TLN2: variants seen among roughly 807,000 people sequenced by gnomAD.
TLN2 encodes the protein talin 2, also known as talin-2.
TLN2 carries 118 observed loss-of-function variants against 294.7 expected under a neutral mutation model. That is an observed-to-expected ratio of 0.40 (90% CI 0.34 to 0.47). TLN2 has a LOEUF of 0.47. Among genes scored for constraint, TLN2 ranks in the 20% least tolerant of loss-of-function variants. The pLI, the probability that TLN2 is intolerant of heterozygous loss-of-function variation, is 0.84. For missense variants in TLN2, 3,083 were observed against 3,282.2 expected (o/e 0.94, Z 1.48); for synonymous variants, 1,431 against 1,304.5 (o/e 1.10, Z -2.09).
chr15:62,698,690 G>C, intron 15 of TLN2, 64 bp from the exon 16 acceptor site: 1 of 1,379,086 alleles, frequency 7.3e-7, no homozygotes, highest in South Asian at 1.2e-5. Context: ...GCTTTGTTTT[G>C]CATAAAGGGC....
In TLN2 at chr15:62,596,264, CAAA is replaced by C. The variant is rs71129015; in HGVS notation, c.-162+6516_-162+6518del. On this transcript the variant is annotated intron_variant, in intron 2 of 58. Transcript: ENST00000636159. ...TGGGCGACAGAGCAAGACTCCATCT[CAAA>C]AAAAAAAAAAAAAGGTATTCTTGAA... Among the ~76,000 whole-genome samples the C allele has an allele frequency of 5.0e-3, 407 of 81,676 alleles. 7 individuals carry two copies. Among genetic ancestry groups the C allele is most frequent in the African/African-American group, 0.018 (393 of 22,234 alleles). 53.6% of individuals were successfully genotyped at this position (81,676 alleles called of 152,430 possible).
At chr15:62,616,980 T>C (rs1220416907) in intron 2 of TLN2, among the ~76,000 whole-genome samples, 1 of 152,112 alleles carries the variant, frequency 6.6e-6, no homozygotes, top group Non-Finnish European at 1.5e-5. Context: ...GGTGTCTGCA[T>C]GCGTGTCTTC....
At chr15:62,809,843 A>T in intron 51 of TLN2, 82 bp from the exon 52 acceptor site, 1 of 1,337,178 alleles carries the variant, frequency 7.5e-7, no homozygotes, top group Non-Finnish European at 1.1e-6. Flanking sequence ...CACCAGGGTT[A>T]AGGTCTCTTG....
At chr15:62,437,609 A>G (rs970775718) in intron 1 of TLN2, among the ~76,000 whole-genome samples, 1 of 152,134 alleles carries the variant, frequency 6.6e-6, no homozygotes, top group Non-Finnish European at 1.5e-5. Flanking sequence ...TCATAATCAT[A>G]GTACTGTGTG....
At chr15:62,568,185 G>A (rs1023559857) in intron 1 of TLN2, among the ~76,000 whole-genome samples, 1 of 152,126 alleles carries the variant, frequency 6.6e-6, no homozygotes, top group Admixed American at 6.5e-5. Context: ...TCCCAGTGTG[G>A]CTGGGGCTGG....
intron 11 of TLN2, among the ~76,000 whole-genome samples, chr15:62,685,895 T>C (rs1294936369): frequency 6.6e-6 from 1 of 152,204 alleles, no homozygotes; most frequent in Non-Finnish European, 1.5e-5. Context: ...TTAAGCATAT[T>C]AATCGTTTCC....
chr15:62,648,209 C>T (rs1038855848), intron 4 of TLN2, among the ~76,000 whole-genome samples: 4 of 151,856 alleles, frequency 2.6e-5, no homozygotes, highest in Admixed American at 1.3e-4. Flanking sequence ...TCGCTTGAAC[C>T]CAGGAGTTAG....
intron 1 of TLN2, among the ~76,000 whole-genome samples, chr15:62,504,001 T>A (rs925900096): frequency 1.3e-5 from 2 of 152,208 alleles, no homozygotes; most frequent in African/African-American, 4.8e-5. Flanking sequence ...CTGTGCTTTT[T>A]TGAGCCTTTT....
chr15:62,670,039 C>CTGCA (rs2055208586), intron 9 of TLN2, among the ~76,000 whole-genome samples: 1 of 152,292 alleles, frequency 6.6e-6, no homozygotes, highest in Admixed American at 6.5e-5. Context: ...AGGGCGCTTG[C>CTGCA]TGCAGTACAG....
At chr15:62,488,832 C>T (rs2038549821) in intron 1 of TLN2, among the ~76,000 whole-genome samples, 1 of 152,066 alleles carries the variant, frequency 6.6e-6, no homozygotes, top group Non-Finnish European at 1.5e-5. Flanking sequence ...ATGAGCATTC[C>T]AAGACTAATA....
At chr15:62,607,270 C>G (rs1160150751) in intron 2 of TLN2, among the ~76,000 whole-genome samples, 2 of 152,126 alleles carry the variant, frequency 1.3e-5, no homozygotes, top group Admixed American at 1.3e-4. Flanking sequence ...GTCATGGTAG[C>G]TTTCTATTTG....
chr15:62,601,177 A>G (rs2046971674), intron 2 of TLN2, among the ~76,000 whole-genome samples: 1 of 152,170 alleles, frequency 6.6e-6, no homozygotes, highest in South Asian at 2.1e-4. Context: ...ATGTTTAGCA[A>G]TATCTGGAGA....
At chr15:62,608,712 T>A (rs533164969) in intron 2 of TLN2, among the ~76,000 whole-genome samples, 8 of 152,084 alleles carry the variant, frequency 5.3e-5, no homozygotes, top group Non-Finnish European at 1.0e-4. Flanking sequence ...TTGCTATGCT[T>A]GTGAAAGACC....
intron 28 of TLN2, among the ~76,000 whole-genome samples, chr15:62,732,692 G>C (rs1014280909): frequency 6.6e-6 from 1 of 152,200 alleles, no homozygotes; most frequent in Non-Finnish European, 1.5e-5. Flanking sequence ...AGATGGTAGT[G>C]TCCTACAGTG....
At chr15:62,786,490 T>C (rs1202408990) in intron 45 of TLN2, among the ~76,000 whole-genome samples, 1 of 152,174 alleles carries the variant, frequency 6.6e-6, no homozygotes, top group Non-Finnish European at 1.5e-5. Flanking sequence ...AGCTTTGCAA[T>C]TTAAGATTAT....
intron 1 of TLN2, among the ~76,000 whole-genome samples, chr15:62,398,941 G>A (rs1311671958): frequency 1.3e-5 from 2 of 152,098 alleles, no homozygotes; most frequent in Admixed American, 6.5e-5. Context: ...TCTCAGGCCC[G>A]GAGGCCTAGG....
chr15:62,729,055 CAT>C (rs1198846482), intron 28 of TLN2, among the ~76,000 whole-genome samples: 1 of 152,166 alleles, frequency 6.6e-6, no homozygotes, highest in Non-Finnish European at 1.5e-5. Context: ...TGTTTTTCCA[CAT>C]AGATATCCAT....
chr15:62,836,893 AATTTTTCCTTGAAGATAAGGCTTC>A (rs1349392238), intron 57 of TLN2, among the ~76,000 whole-genome samples: 6 of 152,194 alleles, frequency 3.9e-5, no homozygotes, highest in Non-Finnish European at 5.9e-5. Context: ...TATCATATGT[AATTTTTCCTTGAAGATAAGGCTTC>A]ATTAACTTCT....
intron 36 of TLN2, chr15:62,754,932 T>C (rs1464635625): frequency 6.6e-6 from 1 of 152,312 alleles, no homozygotes; most frequent in African/African-American, 2.4e-5. Flanking sequence ...ATCTGGGCTC[T>C]ACAGTATGGT....
Sources: gnomAD v4.1 joint callset for allele counts (sites outside exome capture counted in the v4.1 genomes callset) on GRCh38, gnomAD v4.1.1 for gene constraint, MANE v1.5 for transcripts, NCBI Gene and HGNC (gene_info 2026-07-23, HGNC 2026-07-21) for gene names.